EIF4E: variants seen among roughly 807,000 people sequenced by gnomAD.
EIF4E encodes the protein eIF-4F 25 kDa subunit.
For missense variants in EIF4E, 113 were observed against 265.6 expected (o/e 0.43, Z 3.99); for synonymous variants, 71 against 88.5 (o/e 0.80, Z 1.11).
At chr4:98,881,639 T>C (rs559995955) in intron 6 of EIF4E, among the ~76,000 whole-genome samples, 1 of 152,176 alleles carries the variant, frequency 6.6e-6, no homozygotes, top group African/African-American at 2.4e-5. Context: ...GCAAATATTG[T>C]ATATTACTAC....
chr4:98,908,950 A>G (rs1371641523), intron 1 of EIF4E, among the ~76,000 whole-genome samples: 1 of 152,186 alleles, frequency 6.6e-6, no homozygotes, highest in Non-Finnish European at 1.5e-5. Flanking sequence ...CTCACTCCCA[A>G]AGGTGGCCAG....
intron 1 of EIF4E, among the ~76,000 whole-genome samples, chr4:98,914,570 G>C (rs1453194377): frequency 6.6e-6 from 1 of 151,990 alleles, no homozygotes; most frequent in Admixed American, 6.6e-5. Flanking sequence ...GCTACATACT[G>C]TATGATTCTA....
chr4:98,884,533 G>A (rs1406071860), intron 6 of EIF4E, among the ~76,000 whole-genome samples: 1 of 151,970 alleles, frequency 6.6e-6, no homozygotes, highest in Admixed American at 6.6e-5. Context: ...GCAAAACCTG[G>A]TCTCTACTAA....
chr4:98,895,951 A>C (rs1724361893), intron 2 of EIF4E, among the ~76,000 whole-genome samples: 1 of 119,480 alleles, frequency 8.4e-6, no homozygotes, highest in African/African-American at 2.6e-5. Context: ...TAATCCCAGC[A>C]CTTTGGGAGG....
intron 1 of EIF4E, among the ~76,000 whole-genome samples, chr4:98,921,947 G>A (rs1725658724): frequency 6.6e-6 from 1 of 152,142 alleles, no homozygotes; most frequent in Non-Finnish European, 1.5e-5. Flanking sequence ...CACGATTGGT[G>A]TAATTGCTTG....
intron 1 of EIF4E, among the ~76,000 whole-genome samples, chr4:98,924,842 GC>G (rs1276604122): frequency 2.6e-5 from 4 of 151,518 alleles, no homozygotes. Flanking sequence ...ATCCCCACCC[GC>G]CTCGGCCTCC....
At position 98,886,923 on chromosome 4, in the gene EIF4E, G is replaced by A. The variant is rs7693347; in HGVS notation, c.399+156C>T. 8.2e-3 allele frequency: 5,638 copies of A among 689,566 alleles called. 201 individuals are homozygous for A. In the African/African-American group the frequency reaches 0.088, roughly 11 times the overall value. 42.7% of individuals were successfully genotyped at this position (689,566 alleles called of 1,614,324 possible). A position where few individuals can be genotyped will look rare whatever the true frequency, so the allele number is the denominator to read the frequency against. On this transcript the variant is annotated intron_variant, in intron 5 of 6. Transcript: ENST00000450253. ...GGATGTTTCACTGTACTATAAACAG[G>A]AGTCATATGACAGAACAAAAATAAT...
chr4:98,913,875 T>C (rs1725255180), intron 1 of EIF4E, among the ~76,000 whole-genome samples: 1 of 152,046 alleles, frequency 6.6e-6, no homozygotes, highest in Non-Finnish European at 1.5e-5. Context: ...TAAAAACATC[T>C]ACATTCTTTA....
chr4:98,912,838 T>C (rs1725211843), intron 1 of EIF4E, among the ~76,000 whole-genome samples: 1 of 152,174 alleles, frequency 6.6e-6, no homozygotes, highest in Non-Finnish European at 1.5e-5. Context: ...AATTTCATGA[T>C]ACTAAATTCT....
At chr4:98,893,280 G>T (rs761532069) in intron 2 of EIF4E, among the ~76,000 whole-genome samples, 2 of 152,240 alleles carry the variant, frequency 1.3e-5, no homozygotes, top group Non-Finnish European at 2.9e-5. Context: ...CAGAGTAGTG[G>T]TTGCTGAAGA....
chr4:98,909,419 C>T (rs1451040990), intron 1 of EIF4E: 7 of 449,656 alleles, frequency 1.6e-5, no homozygotes, highest in Non-Finnish European at 2.4e-5. Flanking sequence ...AAGAAATGTA[C>T]ACAATCACAT....
intron 1 of EIF4E, among the ~76,000 whole-genome samples, chr4:98,903,175 A>C (rs1724721166): frequency 6.6e-6 from 1 of 152,208 alleles, no homozygotes; most frequent in Non-Finnish European, 1.5e-5. Context: ...GAAGAGAGCC[A>C]AAGAAAGGCA....
At chr4:98,929,068 G>C (rs1318826726) in intron 1 of EIF4E, 27 bp downstream of exon 1, 2 of 1,579,374 alleles carry the variant, frequency 1.3e-6, no homozygotes, top group East Asian at 2.3e-5. Context: ...GGGACCCGTG[G>C]GGGTGGGGGC....
chr4:98,892,312 A>T (rs1266581078), intron 2 of EIF4E, among the ~76,000 whole-genome samples: 1 of 139,644 alleles, frequency 7.2e-6, no homozygotes, highest in Non-Finnish European at 1.5e-5. Flanking sequence ...CAAGAGCGAA[A>T]TTCCATCTCA....
intron 1 of EIF4E, among the ~76,000 whole-genome samples, chr4:98,917,680 G>A (rs72677504): frequency 0.13 from 19,646 of 152,170 alleles, 1,430 homozygotes; most frequent in African/African-American, 0.19. Context: ...AAAGAAGATG[G>A]AGGAGGGGCC....
intron 1 of EIF4E, among the ~76,000 whole-genome samples, chr4:98,918,306 T>C (rs1039677822): frequency 2.0e-5 from 3 of 146,350 alleles, no homozygotes; most frequent in Non-Finnish European, 4.5e-5. Context: ...GAGGTTGCAG[T>C]GAGCCGAGAT....
chr4:98,879,823 G>A lies in EIF4E; in HGVS notation c.*1205C>T, dbSNP rs183679324. ...ATTATTTACCTAAGACTGAATGACT[G>A]TGCCTTACTTTATAAAAAAACAAAG... On this transcript the variant is annotated 3_prime_UTR_variant, in exon 7 of 7. Coordinates refer to ENST00000450253, the MANE Select transcript of EIF4E (RefSeq NM_001968.5). 3.3e-5 allele frequency: 5 copies of A among 152,208 alleles called. No homozygotes were observed. The highest frequency in any genetic ancestry group is 2.6e-4 in the Admixed American group (4 of 15,282). The allele number at this position is 152,208 out of a possible 1,614,324, so 9.4% of individuals were successfully genotyped here. A position where few individuals can be genotyped will look rare whatever the true frequency, so the allele number is the denominator to read the frequency against.
At chr4:98,882,262 G>A (rs1254853213) in intron 6 of EIF4E, among the ~76,000 whole-genome samples, 4 of 151,884 alleles carry the variant, frequency 2.6e-5, no homozygotes, top group Non-Finnish European at 5.9e-5. Context: ...TGTGGTGGCA[G>A]GTGCCTGTAG....
At chr4:98,919,393 G>GTAAA (rs1448973634) in intron 1 of EIF4E, among the ~76,000 whole-genome samples, 1 of 149,258 alleles carries the variant, frequency 6.7e-6, no homozygotes, top group Non-Finnish European at 1.5e-5. Flanking sequence ...CTATACAAGA[G>GTAAA]TAAATAACTA....
Sources: allele counts gnomAD v4.1 joint callset (sites outside exome capture counted in the v4.1 genomes callset), GRCh38; gene constraint gnomAD v4.1.1; transcripts MANE v1.5; gene names NCBI Gene and HGNC (gene_info 2026-07-23, HGNC 2026-07-21).